CFAP20DC: variants seen among roughly 807,000 people sequenced by gnomAD.
CFAP20DC encodes the protein CFAP20 domain containing.
In CFAP20DC, 84 loss-of-function variants were observed where a neutral mutation model predicts 101.7. The observed-to-expected ratio is 0.83, with a 90% CI of 0.69 to 0.99. The LOEUF is 0.99. Ranked by LOEUF, CFAP20DC falls within the 50% of genes least tolerant of loss-of-function variation. CFAP20DC has a pLI of 0.00. For synonymous variants in CFAP20DC, 359 were observed against 351.2 expected, an observed-to-expected ratio of 1.02 and a Z score of -0.25; for missense variants, 1,007 against 970.3, an observed-to-expected ratio of 1.04 and a Z score of -0.50.
At chr3:59,008,724 G>T (rs866883804) in intron 4 of CFAP20DC, among the ~76,000 whole-genome samples, 2 of 151,990 alleles carry the variant, frequency 1.3e-5, no homozygotes, top group Non-Finnish European at 2.9e-5. Flanking sequence ...GTGGGAGGAG[G>T]GGGGAGGGAT....
At chr3:58,815,929 A>G (rs1329775443) in intron 14 of CFAP20DC, among the ~76,000 whole-genome samples, 2 of 151,452 alleles carry the variant, frequency 1.3e-5, no homozygotes, top group Non-Finnish European at 1.5e-5. Context: ...AAACTAGTTC[A>G]ACCATTGTGG....
At chr3:58,920,844 A>G (rs1305751579) in intron 5 of CFAP20DC, among the ~76,000 whole-genome samples, 1 of 152,196 alleles carries the variant, frequency 6.6e-6, no homozygotes, top group Non-Finnish European at 1.5e-5. Context: ...ATTATTTGAG[A>G]AAAATGTTTA....
At chr3:58,896,316 A>AT (rs1005700598) in intron 6 of CFAP20DC, among the ~76,000 whole-genome samples, 10 of 151,582 alleles carry the variant, frequency 6.6e-5, no homozygotes, top group African/African-American at 1.9e-4. Flanking sequence ...TACTTTATTA[A>AT]TTTTTTTCAA....
chr3:58,870,685 G>A (rs1244281052), intron 7 of CFAP20DC, among the ~76,000 whole-genome samples: 2 of 148,976 alleles, frequency 1.3e-5, no homozygotes, highest in Non-Finnish European at 3.0e-5. Flanking sequence ...TCAGGAGATC[G>A]AGACCATCCT....
chr3:58,910,297 C>T (rs1267987251), intron 6 of CFAP20DC, among the ~76,000 whole-genome samples: 2 of 152,052 alleles, frequency 1.3e-5, no homozygotes, highest in East Asian at 3.9e-4. Flanking sequence ...AGAATATCTT[C>T]GAGATATTTT....
At chr3:58,943,086 T>C (rs1273170621) in intron 4 of CFAP20DC, among the ~76,000 whole-genome samples, 2 of 152,198 alleles carry the variant, frequency 1.3e-5, no homozygotes, top group Admixed American at 6.5e-5. Flanking sequence ...CAGGCACTTA[T>C]AGATAAAATT....
chr3:58,962,767 G>T (rs1404983267), intron 4 of CFAP20DC, among the ~76,000 whole-genome samples: 1 of 152,098 alleles, frequency 6.6e-6, no homozygotes, highest in African/African-American at 2.4e-5. Flanking sequence ...ACTGCACAAG[G>T]CCTGTCATTT....
intron 4 of CFAP20DC, among the ~76,000 whole-genome samples, chr3:59,016,667 G>T (rs2093696682): frequency 6.6e-6 from 1 of 152,024 alleles, no homozygotes; most frequent in Non-Finnish European, 1.5e-5. Flanking sequence ...ATTGTTACTT[G>T]TTAACTAAAA....
chr3:59,046,248 T>A lies in CFAP20DC; in HGVS notation c.186A>T (p.Pro62=). Reference sequence around the variant, plus strand: ...ACTTACGGCTTTGCTTATTCTCCTTTGGTAACTGAATTTTGTTTGTTTGGC... The same window carrying A: ...ACTTACGGCTTTGCTTATTCTCCTTAGGTAACTGAATTTTGTTTGTTTGGC... ...GSSQTNKIQL[P]KENKQSLGLI... Residue 62 remains proline (P), a synonymous_variant, in exon 3 of 17, where the codon CCA becomes CCT. Transcript: ENST00000482387. 1 of 1,530,852 alleles carries A rather than the reference T, an allele frequency of 6.5e-7. No individual in the cohort carries two copies. Among genetic ancestry groups the A allele is most frequent in the Non-Finnish European group, 8.7e-7 (1 of 1,144,790 alleles). 94.8% of individuals were successfully genotyped at this position (1,530,852 alleles called of 1,614,324 possible).
At chr3:59,045,508 C>G (rs1699782685) in intron 3 of CFAP20DC, among the ~76,000 whole-genome samples, 1 of 152,062 alleles carries the variant, frequency 6.6e-6, no homozygotes, top group South Asian at 2.1e-4. Context: ...TCAGTTTACT[C>G]AAGGTCTAAT....
At position 58,928,063 on chromosome 3, in the gene CFAP20DC, T is replaced by C. The variant is rs561289424; in HGVS notation, c.393+9585A>G. Among the ~76,000 whole-genome samples, 9 of 152,312 alleles carry C rather than the reference T, an allele frequency of 5.9e-5. No homozygotes were observed. In the South Asian group the frequency reaches 8.3e-4, roughly 14 times the overall value. On this transcript the variant is annotated intron_variant, in intron 5 of 16. Transcript: ENST00000482387. ...TTGACCATGATAAACTCATTTTTTT[T>C]CTCCCATGTCAGGAGATACATTAAG...
At chr3:58,832,341 G>A (rs1425237803) in intron 13 of CFAP20DC, among the ~76,000 whole-genome samples, 1 of 152,124 alleles carries the variant, frequency 6.6e-6, no homozygotes, top group East Asian at 1.9e-4. Context: ...TGGCAGGTTT[G>A]CTGGGAGCTC....
At chr3:58,838,389 G>T (rs2076881655) in intron 13 of CFAP20DC, among the ~76,000 whole-genome samples, 1 of 152,096 alleles carries the variant, frequency 6.6e-6, no homozygotes, top group South Asian at 2.1e-4. Flanking sequence ...AAGCATTTTA[G>T]CATGCGACCC....
rs1028408551 is a variant in CFAP20DC at position 58,974,474 on chromosome 3, T to G, written c.279-36712A>C. Among the ~76,000 whole-genome samples, 4 of 152,262 alleles carry G rather than the reference T, an allele frequency of 2.6e-5. No individual in the cohort carries two copies. The East Asian group carries it at 7.7e-4, about 29-fold the overall frequency. ...TATGGCTACATAGTATTCCATGGTA[T>G]ATATGTTATATGTACCACATTGTAG... is the stretch of plus-strand genomic sequence containing the variant. On this transcript the variant is annotated intron_variant, in intron 4 of 16. Coordinates refer to ENST00000482387, the MANE Select transcript of CFAP20DC (RefSeq NM_001394063.1).
rs1471233313 is a variant in CFAP20DC at position 58,732,903 on chromosome 3, A to G, written c.198-15275T>C. Among the ~76,000 whole-genome samples, 1 of 152,222 alleles carries G rather than the reference A, an allele frequency of 6.6e-6. No homozygotes were observed. Among genetic ancestry groups the G allele is most frequent in the Non-Finnish European group, 1.5e-5 (1 of 68,036 alleles). ...GAGAACCATTTGTAGGGGATGGCTG[A>G]CCTTCCGAGTAGAAAATAAATGCAA... On this transcript the variant is annotated intron_variant, in intron 3 of 3. Transcript: ENST00000486145. The surrounding 1 kb of genome is among the most constrained non-coding windows in gnomAD (Gnocchi z 5.4).
chr3:58,879,893 T>C (rs1473288621), intron 7 of CFAP20DC, among the ~76,000 whole-genome samples: 1 of 152,106 alleles, frequency 6.6e-6, no homozygotes, highest in Non-Finnish European at 1.5e-5. Flanking sequence ...AACCATAAAC[T>C]AAAAAGTTGT....
chr3:58,850,385 G>T (rs759369969), intron 12 of CFAP20DC, among the ~76,000 whole-genome samples: 1 of 151,900 alleles, frequency 6.6e-6, no homozygotes, highest in East Asian at 1.9e-4. Flanking sequence ...TCGGGAGTTC[G>T]AGACCAGCCT....
intron 14 of CFAP20DC, among the ~76,000 whole-genome samples, chr3:58,819,562 A>C (rs1217535858): frequency 1.4e-5 from 2 of 140,636 alleles, no homozygotes; most frequent in Non-Finnish European, 3.0e-5. Flanking sequence ...TAAATTCCTC[A>C]ACACATACAC....
At chr3:58,807,302 C>T (rs1363526429) in intron 14 of CFAP20DC, among the ~76,000 whole-genome samples, 2 of 152,180 alleles carry the variant, frequency 1.3e-5, no homozygotes, top group Admixed American at 6.5e-5. Context: ...AGCAGCCTAA[C>T]TGGGAGGCAC....
Sources: gnomAD v4.1 joint callset for allele counts (sites outside exome capture counted in the v4.1 genomes callset) on GRCh38, gnomAD v4.1.1 for gene constraint, Gnocchi (gnomAD v3.1) non-coding constraint, MANE v1.5 for transcripts, NCBI Gene and HGNC (gene_info 2026-07-23, HGNC 2026-07-21) for gene names.